The following DNAJC1 variants were observed in gnomAD, a reference collection of about 807,000 sequenced individuals.
DNAJC1 encodes the protein dnaJ homolog subfamily C member 1.
In DNAJC1, 58 loss-of-function variants were observed where a neutral mutation model predicts 76.6. The observed-to-expected ratio is 0.76, with a 90% CI of 0.61 to 0.94. The LOEUF (loss-of-function observed/expected upper bound fraction) is 0.94. Among genes scored for constraint, DNAJC1 ranks in the 40% least tolerant of loss-of-function variants. The pLI, the probability that DNAJC1 is intolerant of heterozygous loss-of-function variation, is 0.00. For missense variants in DNAJC1, 689 were observed against 677.3 expected (o/e 1.02, Z -0.19); for synonymous variants, 258 against 267.9 (o/e 0.96, Z 0.36).
In DNAJC1 at chr10:21,806,241, T is replaced by A. The variant is rs572181347; in HGVS notation, c.979-142A>T. 574 of 902,380 alleles carry A rather than the reference T, an allele frequency of 6.4e-4. 3 individuals are homozygous for A. The highest frequency in any genetic ancestry group is 6.3e-3 in the Middle Eastern group (18 of 2,864). The allele number at this position is 902,380 out of a possible 1,614,324, so 55.9% of individuals were successfully genotyped here. ...GCTTTCTGTAAAAAACAATACTAAA[T>A]TGTATCTAATAGTTTCAATAAAGAT... On this transcript the variant is annotated intron_variant, in intron 8 of 11. Coordinates refer to ENST00000376980, the MANE Select transcript of DNAJC1 (RefSeq NM_022365.4).
chr10:22,003,067 G>A (rs959682193), intron 1 of DNAJC1, 146 bp downstream of exon 1: 1 of 1,298,276 alleles, frequency 7.7e-7, no homozygotes, highest in Non-Finnish European at 9.8e-7. Flanking sequence ...TTCCAAGGCT[G>A]AGGACCCCGG....
intron 1 of DNAJC1, among the ~76,000 whole-genome samples, chr10:21,943,232 CCAAAA>C (rs1226397130): frequency 6.6e-6 from 1 of 151,750 alleles, no homozygotes; most frequent in Admixed American, 6.6e-5. Context: ...TTAAAATACA[CCAAAA>C]CAAAGTAGGA....
chr10:21,809,141 T>C lies in DNAJC1; in HGVS notation c.979-3042A>G, dbSNP rs1369037685. 7.2e-5 allele frequency among the ~76,000 whole-genome samples: 11 copies of C among 152,174 alleles called. No individual in the cohort carries two copies. The East Asian group carries it at 2.1e-3, about 29-fold the overall frequency. ...ATCCTCTATATTCTTGGGGTAGGGC[T>C]GTATTTTTAAAGTAATCTATATGGA... is the stretch of plus-strand genomic sequence containing the variant. On this transcript the variant is annotated intron_variant, in intron 8 of 11. Coordinates refer to ENST00000376980, the MANE Select transcript of DNAJC1 (RefSeq NM_022365.4).
intron 9 of DNAJC1, among the ~76,000 whole-genome samples, chr10:21,782,886 T>C (rs1348142601): frequency 1.3e-5 from 2 of 152,214 alleles, no homozygotes; most frequent in Non-Finnish European, 2.9e-5. Context: ...AATTAGGTGT[T>C]GATGGAACGT....
At chr10:21,825,085 T>C (rs1270245543) in intron 8 of DNAJC1, among the ~76,000 whole-genome samples, 1 of 152,134 alleles carries the variant, frequency 6.6e-6, no homozygotes, top group East Asian at 1.9e-4. Context: ...CCAACTATTT[T>C]AAAGTATACA....
At chr10:21,779,642 G>A (rs1303820032) in intron 9 of DNAJC1, among the ~76,000 whole-genome samples, 1 of 152,126 alleles carries the variant, frequency 6.6e-6, no homozygotes, top group East Asian at 1.9e-4. Context: ...ACAAAGATGG[G>A]GAGAAACCAG....
chr10:21,908,491 G>GC (rs1836795963), intron 6 of DNAJC1, among the ~76,000 whole-genome samples: 1 of 147,568 alleles, frequency 6.8e-6, no homozygotes, highest in African/African-American at 2.5e-5. Context: ...ATTTTTCATG[G>GC]GGGGGGGGTG....
At chr10:21,855,505 T>C (rs1422864780) in intron 8 of DNAJC1, among the ~76,000 whole-genome samples, 3 of 152,194 alleles carry the variant, frequency 2.0e-5, no homozygotes, top group African/African-American at 7.2e-5. Context: ...ACAATGTATG[T>C]GATAAAAAAC....
intron 1 of DNAJC1, among the ~76,000 whole-genome samples, chr10:21,981,728 C>T (rs1262434705): frequency 6.6e-6 from 1 of 152,146 alleles, no homozygotes; most frequent in Non-Finnish European, 1.5e-5. Flanking sequence ...TATCTGCATG[C>T]AAAAGAATAA....
At chr10:21,889,122 C>G (rs1223581784) in intron 7 of DNAJC1, among the ~76,000 whole-genome samples, 1 of 152,102 alleles carries the variant, frequency 6.6e-6, no homozygotes, top group Admixed American at 6.6e-5. Flanking sequence ...GTGAATGCTT[C>G]TGCCTCTGGG....
chr10:21,775,081 C>T (rs2131623859), intron 9 of DNAJC1, among the ~76,000 whole-genome samples: 1 of 152,322 alleles, frequency 6.6e-6, no homozygotes, highest in South Asian at 2.1e-4. Flanking sequence ...CACACATAAT[C>T]TGAGTCCTTC....
intron 9 of DNAJC1, among the ~76,000 whole-genome samples, chr10:21,773,720 G>A (rs1834417709): frequency 6.6e-6 from 1 of 151,092 alleles, no homozygotes; most frequent in Admixed American, 6.6e-5. Context: ...TATGTATTTT[G>A]GTGTTCTGTT....
intron 8 of DNAJC1, among the ~76,000 whole-genome samples, chr10:21,874,902 A>G (rs1000807512): frequency 6.6e-6 from 1 of 152,058 alleles, no homozygotes; most frequent in African/African-American, 2.4e-5. Flanking sequence ...TGTGTGTGTG[A>G]TGGAGTCTTG....
chr10:21,801,841 C>T (rs565892121), intron 9 of DNAJC1, among the ~76,000 whole-genome samples: 1 of 152,214 alleles, frequency 6.6e-6, no homozygotes, highest in South Asian at 2.1e-4. Context: ...TTTGTGGGAA[C>T]ATAAATGGAG....
chr10:21,929,305 C>A lies in DNAJC1; in HGVS notation c.223-164G>T, dbSNP rs184722424. ...CAACCAGGCTATGCAACAAGCCTGA[C>A]CCACATGACTGAACAATTATTCAAT... is the stretch of plus-strand genomic sequence containing the variant. On this transcript the variant is annotated intron_variant, in intron 1 of 11. Transcript: ENST00000376980. 1.9e-3 allele frequency among the ~76,000 whole-genome samples: 288 copies of A among 152,290 alleles called. 2 individuals carry two copies. The highest frequency in any genetic ancestry group is 0.01 in the Middle Eastern group (3 of 294).
intron 8 of DNAJC1, among the ~76,000 whole-genome samples, chr10:21,825,398 G>A (rs530093873): frequency 3.3e-5 from 5 of 152,172 alleles, no homozygotes; most frequent in South Asian, 2.1e-4. Flanking sequence ...ATAACGTTCC[G>A]TTGTATGTAT....
intron 7 of DNAJC1, among the ~76,000 whole-genome samples, chr10:21,884,587 G>A (rs998581092): frequency 6.6e-6 from 1 of 152,134 alleles, no homozygotes; most frequent in African/African-American, 2.4e-5. Flanking sequence ...ATGTGGGTAT[G>A]TATGTATTTG....
At chr10:21,790,707 A>G (rs1359813547) in intron 9 of DNAJC1, among the ~76,000 whole-genome samples, 1 of 152,176 alleles carries the variant, frequency 6.6e-6, no homozygotes, top group Non-Finnish European at 1.5e-5. Context: ...ACTCAAAAGT[A>G]TAAAATTCAC....
chr10:21,765,017 A>ATC (rs1299254255), intron 10 of DNAJC1, among the ~76,000 whole-genome samples: 1 of 152,132 alleles, frequency 6.6e-6, no homozygotes, highest in African/African-American at 2.4e-5. Flanking sequence ...CTCCAGGAAG[A>ATC]TCTACGTCAG....
Sources: allele counts gnomAD v4.1 joint callset (sites outside exome capture counted in the v4.1 genomes callset), GRCh38; gene constraint gnomAD v4.1.1; transcripts MANE v1.5; gene names NCBI Gene and HGNC (gene_info 2026-07-23, HGNC 2026-07-21).